PHKB: variants seen among roughly 807,000 people sequenced by gnomAD.
PHKB encodes phosphorylase b kinase regulatory subunit beta.
PHKB carries 122 observed loss-of-function variants against 152.1 expected under a neutral mutation model. That is an observed-to-expected ratio of 0.80 (90% confidence interval 0.69 to 0.93). The LOEUF (loss-of-function observed/expected upper bound fraction) is 0.93, where lower values mean the gene tolerates loss of function less well. Among genes scored for constraint, PHKB ranks in the 40% least tolerant of loss-of-function variants. PHKB has a pLI of 0.00. For missense variants in PHKB, 1,304 were observed against 1,328.4 expected, an observed-to-expected ratio of 0.98 and a Z score of 0.29; for synonymous variants, 436 against 464.9, an observed-to-expected ratio of 0.94 and a Z score of 0.80.
chr16:47,503,519 G>C (rs1188806997), intron 4 of PHKB, among the ~76,000 whole-genome samples: 1 of 152,154 alleles, frequency 6.6e-6, no homozygotes, highest in African/African-American at 2.4e-5. Flanking sequence ...AAAAAGGCTA[G>C]GAATTATAGG....
chr16:47,614,751 C>A (rs1224262658), intron 14 of PHKB, among the ~76,000 whole-genome samples: 1 of 152,172 alleles, frequency 6.6e-6, no homozygotes, highest in African/African-American at 2.4e-5. Context: ...TTGCTTCAAC[C>A]ATAAACTTTG....
chr16:47,640,965 G>T, intron 14 of PHKB, 70 bp from the exon 15 acceptor site: 2 of 1,371,160 alleles, frequency 1.5e-6, no homozygotes, highest in Non-Finnish European at 2.1e-6. Context: ...TATTGTCCTT[G>T]TTTCTCATTG....
intron 26 of PHKB, among the ~76,000 whole-genome samples, chr16:47,673,717 C>T (rs779748144): frequency 4.6e-5 from 7 of 152,112 alleles, no homozygotes; most frequent in South Asian, 2.1e-4. Context: ...CCTTCTCTTC[C>T]TCCATCACTA....
chr16:47,592,925 C>T (rs769380111), intron 10 of PHKB, among the ~76,000 whole-genome samples: 3 of 152,076 alleles, frequency 2.0e-5, no homozygotes, highest in South Asian at 2.1e-4. Flanking sequence ...TTTGACATAT[C>T]GCCTAACTAT....
chr16:47,649,006 A>G, intron 17 of PHKB, 94 bp from the exon 18 acceptor site: 1 of 768,652 alleles, frequency 1.3e-6, no homozygotes, highest in South Asian at 1.4e-5. Context: ...TCAGAATTAG[A>G]CATCAGTTTT....
At chr16:47,510,246 G>T (rs1970487981) in intron 4 of PHKB, among the ~76,000 whole-genome samples, 2 of 152,150 alleles carry the variant, frequency 1.3e-5, no homozygotes, top group South Asian at 4.1e-4. Context: ...AGGCATGATT[G>T]ATTAAATCAC....
intron 7 of PHKB, chr16:47,565,277 G>A (rs1324256609): frequency 1.4e-6 from 1 of 722,852 alleles, no homozygotes; most frequent in Admixed American, 1.8e-5. Context: ...TCTGTCTCCT[G>A]GACCATGGCT....
intron 14 of PHKB, among the ~76,000 whole-genome samples, chr16:47,623,301 A>C (rs536117603): frequency 1.3e-5 from 2 of 152,212 alleles, no homozygotes; most frequent in East Asian, 3.9e-4. Context: ...ATGAGAAAAA[A>C]TCCTAAAAAG....
intron 26 of PHKB, among the ~76,000 whole-genome samples, chr16:47,684,384 T>A (rs932547105): frequency 1.3e-5 from 2 of 152,214 alleles, no homozygotes; most frequent in Non-Finnish European, 2.9e-5. Context: ...GATTTCCATG[T>A]ACTTTATTTC....
At chr16:47,577,748 G>A (rs1314946068) in intron 7 of PHKB, among the ~76,000 whole-genome samples, 1 of 152,002 alleles carries the variant, frequency 6.6e-6, no homozygotes, top group African/African-American at 2.4e-5. Flanking sequence ...TCCCCTATAG[G>A]TAATGTGTTA....
chr16:47,606,731 C>A (rs978728660), intron 13 of PHKB, among the ~76,000 whole-genome samples: 1 of 152,148 alleles, frequency 6.6e-6, no homozygotes, highest in African/African-American at 2.4e-5. Flanking sequence ...CCACTACCAC[C>A]CCTCCCCTGC....
intron 6 of PHKB, among the ~76,000 whole-genome samples, chr16:47,537,752 C>CTG (rs1242624275): frequency 1.3e-5 from 2 of 151,988 alleles, no homozygotes; most frequent in Non-Finnish European, 2.9e-5. Context: ...TTAGAACATA[C>CTG]TGTTTAATGG....
intron 30 of PHKB, among the ~76,000 whole-genome samples, chr16:47,698,795 C>CA (rs759138119): frequency 2.6e-5 from 4 of 151,396 alleles, no homozygotes; most frequent in Non-Finnish European, 5.9e-5. Context: ...GAAGTTCTGA[C>CA]AAAAAAGAGA....
intron 13 of PHKB, chr16:47,598,665 T>C: frequency 1.3e-6 from 2 of 1,528,040 alleles, no homozygotes; most frequent in South Asian, 1.1e-5. Flanking sequence ...ATATTGGCCA[T>C]TTCCACTGAT....
chr16:47,596,962 A>G (rs1278179436), intron 13 of PHKB, among the ~76,000 whole-genome samples: 1 of 152,080 alleles, frequency 6.6e-6, no homozygotes, highest in Non-Finnish European at 1.5e-5. Context: ...TATATTGGCA[A>G]TTTTAGTTGG....
chr16:47,643,458 A>G (rs1175152451), intron 16 of PHKB, among the ~76,000 whole-genome samples: 1 of 152,222 alleles, frequency 6.6e-6, no homozygotes, highest in African/African-American at 2.4e-5. Flanking sequence ...CTTATTTTAC[A>G]TCTTGTTTTA....
chr16:47,634,432 C>G (rs1972880795), intron 14 of PHKB, among the ~76,000 whole-genome samples: 1 of 152,072 alleles, frequency 6.6e-6, no homozygotes, highest in Non-Finnish European at 1.5e-5. Flanking sequence ...GGCAGTAGAC[C>G]AGCTAGATCA....
At chr16:47,682,408 C>T (rs796619089) in intron 26 of PHKB, among the ~76,000 whole-genome samples, 8 of 152,186 alleles carry the variant, frequency 5.3e-5, no homozygotes, top group Non-Finnish European at 7.3e-5. Flanking sequence ...ACCAATCAGA[C>T]GTAGATTTGC....
intron 6 of PHKB, among the ~76,000 whole-genome samples, chr16:47,523,068 A>G (rs919567527): frequency 1.6e-4 from 24 of 149,418 alleles, no homozygotes; most frequent in Non-Finnish European, 3.0e-4. Flanking sequence ...GATTTCCTTC[A>G]GCCCTTTGAG....
Sources: gnomAD v4.1 joint callset for allele counts (sites outside exome capture counted in the v4.1 genomes callset) on GRCh38, gnomAD v4.1.1 for gene constraint, MANE v1.5 for transcripts, NCBI Gene and HGNC (gene_info 2026-07-23, HGNC 2026-07-21) for gene names.